Variants in CSMD1 observed in about 807,000 individuals in gnomAD.
CSMD1 encodes the protein CUB and sushi domain-containing protein 1.
CSMD1 carries 213 observed loss-of-function variants against 417.5 expected under a neutral mutation model. The ratio of observed to expected loss-of-function variants is 0.51; its 90% confidence interval spans 0.46 to 0.57. The LOEUF is 0.57. CSMD1 is among the 20% of genes least tolerant of loss of function. CSMD1 has a pLI of 0.00. For synonymous variants in CSMD1, 2,862 were observed against 1,736.8 expected, an observed-to-expected ratio of 1.65 and a Z score of -16.11; for missense variants, 6,923 against 4,529.7, an observed-to-expected ratio of 1.53 and a Z score of -15.17.
chr8:3,633,185 C>A (rs1228727197), intron 7 of CSMD1, among the ~76,000 whole-genome samples: 1 of 152,180 alleles, frequency 6.6e-6, no homozygotes, highest in Non-Finnish European at 1.5e-5. Flanking sequence ...GATGAACACA[C>A]CTTTTCTCAC....
At chr8:4,549,584 C>T (rs925660301) in intron 2 of CSMD1, among the ~76,000 whole-genome samples, 2 of 152,028 alleles carry the variant, frequency 1.3e-5, no homozygotes, top group Non-Finnish European at 1.5e-5. Context: ...TGCTGGCACT[C>T]TTGGATCAAC....
intron 1 of CSMD1, among the ~76,000 whole-genome samples, chr8:4,672,677 G>A (rs566200875): frequency 2.9e-4 from 37 of 126,652 alleles, no homozygotes; most frequent in East Asian, 2.9e-3. Context: ...TTGGGAGAAA[G>A]GGGAGAAAGG....
intron 25 of CSMD1, among the ~76,000 whole-genome samples, chr8:3,299,486 A>G (rs146343587): frequency 3.0e-4 from 45 of 152,274 alleles, no homozygotes; most frequent in Middle Eastern, 6.8e-3. Flanking sequence ...TATCATCGCT[A>G]AGGAACTCTG....
intron 5 of CSMD1, among the ~76,000 whole-genome samples, chr8:3,778,131 G>A (rs61351935): frequency 2.0e-5 from 3 of 152,226 alleles, no homozygotes; most frequent in African/African-American, 7.2e-5. Flanking sequence ...TTGAGACTCA[G>A]TTTGGAGTCA....
At chr8:4,032,521 C>T (rs1036034453) in intron 3 of CSMD1, among the ~76,000 whole-genome samples, 5 of 152,142 alleles carry the variant, frequency 3.3e-5, no homozygotes, top group Non-Finnish European at 4.4e-5. Flanking sequence ...TACTCATACC[C>T]TATTTATTTT....
chr8:4,611,370 A>T (rs1010356567), intron 2 of CSMD1, among the ~76,000 whole-genome samples: 6 of 152,182 alleles, frequency 3.9e-5, no homozygotes, highest in African/African-American at 1.4e-4. Flanking sequence ...GCTGGGTCTA[A>T]CTCAGCTCCC....
At chr8:4,101,228 T>A (rs950577437) in intron 3 of CSMD1, among the ~76,000 whole-genome samples, 1 of 152,182 alleles carries the variant, frequency 6.6e-6, no homozygotes, top group Non-Finnish European at 1.5e-5. Flanking sequence ...TTTCCTTTTG[T>A]TTTTTGCTGT....
At chr8:4,164,653 G>A (rs1221469302) in intron 3 of CSMD1, among the ~76,000 whole-genome samples, 1 of 152,108 alleles carries the variant, frequency 6.6e-6, no homozygotes, top group African/African-American at 2.4e-5. Context: ...CCTCACACAA[G>A]ACACGATTGA....
At position 4,311,722 on chromosome 8, in the gene CSMD1, C is replaced by CAAAAAA. The variant is rs35480252; in HGVS notation, c.415+108225_415+108230dup. Among the ~76,000 whole-genome samples, 628 of 110,176 alleles carry CAAAAAA rather than the reference C, an allele frequency of 5.7e-3. 19 individuals are homozygous for CAAAAAA. The East Asian group carries it at 0.058, about 10-fold the overall frequency. 72.3% of individuals were successfully genotyped at this position (110,176 alleles called of 152,430 possible). A position where few individuals can be genotyped will look rare whatever the true frequency, so the allele number is the denominator to read the frequency against. On this transcript the variant is annotated intron_variant, in intron 3 of 69. Transcript: ENST00000635120. ...TGGGCAACAAAGCAAGACTCAGTCT[C>CAAAAAA]AAAAAAAAAAAAAAAAAAGTAGAAT...
intron 39 of CSMD1, among the ~76,000 whole-genome samples, chr8:3,154,529 T>G (rs1010066519): frequency 6.6e-6 from 1 of 152,176 alleles, no homozygotes; most frequent in African/African-American, 2.4e-5. Context: ...TTATTTTGTG[T>G]GAATTCTTGG....
At chr8:3,031,006 AT>A (rs1290603376) in intron 50 of CSMD1, among the ~76,000 whole-genome samples, 1 of 151,908 alleles carries the variant, frequency 6.6e-6, no homozygotes, top group East Asian at 1.9e-4. Flanking sequence ...TCTCTCAAGT[AT>A]TTTTTTAGGT....
At chr8:4,063,220 T>C (rs1166256661) in intron 3 of CSMD1, among the ~76,000 whole-genome samples, 4 of 152,088 alleles carry the variant, frequency 2.6e-5, no homozygotes, top group African/African-American at 9.7e-5. Flanking sequence ...AGACTTTGTG[T>C]GCATATTTCA....
chr8:3,689,532 C>G (rs943466681), intron 7 of CSMD1, among the ~76,000 whole-genome samples: 5 of 152,074 alleles, frequency 3.3e-5, no homozygotes, highest in Non-Finnish European at 7.4e-5. Flanking sequence ...CTTCTTTTCC[C>G]GGAGGAGCCA....
At chr8:3,868,397 T>C (rs1026897092) in intron 5 of CSMD1, among the ~76,000 whole-genome samples, 1 of 152,090 alleles carries the variant, frequency 6.6e-6, no homozygotes, top group African/African-American at 2.4e-5. Flanking sequence ...GTCCCTGCTG[T>C]GCAGATGGTC....
At chr8:3,041,666 T>G (rs1218080899) in intron 50 of CSMD1, among the ~76,000 whole-genome samples, 1 of 152,204 alleles carries the variant, frequency 6.6e-6, no homozygotes. Context: ...GTGCTAATAT[T>G]CCCATCTTTA....
chr8:3,905,214 T>A (rs1008481255), intron 5 of CSMD1, among the ~76,000 whole-genome samples: 2 of 152,222 alleles, frequency 1.3e-5, no homozygotes, highest in Non-Finnish European at 2.9e-5. Flanking sequence ...ATATTTTTTC[T>A]GCATAATATA....
intron 3 of CSMD1, among the ~76,000 whole-genome samples, chr8:4,327,917 G>A (rs1799649861): frequency 2.0e-5 from 3 of 152,032 alleles, no homozygotes; most frequent in Admixed American, 6.6e-5. Context: ...AATTTTCCTT[G>A]CTCACCACAT....
chr8:4,951,872 T>C (rs534015498), intron 1 of CSMD1, among the ~76,000 whole-genome samples: 1 of 151,714 alleles, frequency 6.6e-6, no homozygotes, highest in East Asian at 1.9e-4. Context: ...ACCCTGCATA[T>C]ACAATGAGCT....
chr8:4,447,854 G>A (rs1382705564), intron 2 of CSMD1, among the ~76,000 whole-genome samples: 1 of 152,132 alleles, frequency 6.6e-6, no homozygotes, highest in African/African-American at 2.4e-5. Flanking sequence ...ACTTAAAAAA[G>A]TGTAAGTAGA....
Sources: gnomAD v4.1 joint callset for allele counts (sites outside exome capture counted in the v4.1 genomes callset) on GRCh38, gnomAD v4.1.1 for gene constraint, MANE v1.5 for transcripts, NCBI Gene and HGNC (gene_info 2026-07-23, HGNC 2026-07-21) for gene names.